FHIT: variants seen among roughly 807,000 people sequenced by gnomAD.
FHIT encodes fragile histidine triad diadenosine triphosphatase.
A neutral mutation model predicts 17.9 loss-of-function variants in FHIT; 19 were observed. The ratio of observed to expected loss-of-function variants is 1.06; its 90% CI spans 0.74 to 1.56. The LOEUF (loss-of-function observed/expected upper bound fraction) is 1.56. Among genes scored for constraint, FHIT ranks in the 40% most tolerant of loss-of-function variants. FHIT has a pLI of 0.00. For missense variants in FHIT, 248 were observed against 189.2 expected (o/e 1.31, Z -1.82); for synonymous variants, 81 against 69.7 (o/e 1.16, Z -0.81).
chr3:61,226,987 A>G lies in FHIT; in HGVS notation c.-213+24314T>C, dbSNP rs372958308. On this transcript the variant is annotated intron_variant, in intron 1 of 9. Transcript: ENST00000492590. The stretch of plus-strand genomic sequence containing the variant: ...AGATTAATGTAATGAAGCCTGAAAA[A>G]AAACGAAGTAGAAGGTACTAAAAGA... Among the ~76,000 whole-genome samples, 8 of 152,340 alleles carry G rather than the reference A, an allele frequency of 5.3e-5. No homozygotes were observed. The East Asian group carries it at 1.3e-3, about 26-fold the overall frequency.
intron 2 of FHIT, among the ~76,000 whole-genome samples, chr3:61,052,795 C>T (rs772631778): frequency 2.6e-5 from 4 of 152,068 alleles, no homozygotes; most frequent in African/African-American, 9.7e-5. Context: ...AATAAGGTTC[C>T]AAGATCCCTC....
intron 5 of FHIT, among the ~76,000 whole-genome samples, chr3:60,189,016 G>C (rs1246950919): frequency 1.3e-5 from 2 of 152,124 alleles, no homozygotes; most frequent in Non-Finnish European, 2.9e-5. Flanking sequence ...GGTGAATAAA[G>C]TTGATTCACT....
At chr3:60,867,345 A>G (rs1704211208) in intron 3 of FHIT, among the ~76,000 whole-genome samples, 1 of 152,208 alleles carries the variant, frequency 6.6e-6, no homozygotes. Context: ...AGATGCAAAT[A>G]TGTATTCATA....
intron 5 of FHIT, among the ~76,000 whole-genome samples, chr3:60,331,070 A>C (rs1709946643): frequency 6.6e-6 from 1 of 152,118 alleles, no homozygotes; most frequent in African/African-American, 2.4e-5. Flanking sequence ...GTGGAGTTGA[A>C]GGTCTTGTGC....
chr3:59,900,364 C>T (rs1166970151), intron 8 of FHIT, among the ~76,000 whole-genome samples: 1 of 152,186 alleles, frequency 6.6e-6, no homozygotes, highest in African/African-American at 2.4e-5. Context: ...GTATTGGCTC[C>T]TCTGACTAAA....
chr3:60,575,897 A>G (rs77487970), intron 4 of FHIT, among the ~76,000 whole-genome samples: 172 of 152,286 alleles, frequency 1.1e-3, no homozygotes, highest in Non-Finnish European at 2.1e-3. Flanking sequence ...GACAAGGGCA[A>G]AACAGCATTA....
intron 4 of FHIT, among the ~76,000 whole-genome samples, chr3:60,611,533 C>A (rs1347059915): frequency 6.6e-6 from 1 of 152,194 alleles, no homozygotes; most frequent in Non-Finnish European, 1.5e-5. Flanking sequence ...TTAGTCCAAG[C>A]CTTTCCTTAT....
intron 7 of FHIT, among the ~76,000 whole-genome samples, chr3:59,986,977 A>G (rs1207040814): frequency 1.9e-4 from 24 of 128,456 alleles, no homozygotes; most frequent in Non-Finnish European, 2.7e-4. Flanking sequence ...GATTTACTAT[A>G]GAAAAATATT....
intron 5 of FHIT, among the ~76,000 whole-genome samples, chr3:60,250,780 A>C (rs985310956): frequency 1.3e-5 from 2 of 152,196 alleles, no homozygotes; most frequent in Non-Finnish European, 2.9e-5. Context: ...ATTAAAAAAA[A>C]GACCACCTGA....
intron 5 of FHIT, among the ~76,000 whole-genome samples, chr3:60,136,611 T>C (rs1008568171): frequency 4.0e-5 from 6 of 151,660 alleles, no homozygotes; most frequent in African/African-American, 1.5e-4. Context: ...TGCTCACAAA[T>C]CCCAAATTCC....
chr3:60,901,502 T>A (rs1575664388), intron 3 of FHIT, among the ~76,000 whole-genome samples: 1 of 152,340 alleles, frequency 6.6e-6, no homozygotes, highest in East Asian at 1.9e-4. Context: ...AAAAACATTT[T>A]AAAGAATAAC....
chr3:60,135,826 T>G (rs1432679252), intron 5 of FHIT, among the ~76,000 whole-genome samples: 1 of 152,156 alleles, frequency 6.6e-6, no homozygotes, highest in African/African-American at 2.4e-5. Context: ...ACAGAAGAAT[T>G]TGGGGCAAAA....
intron 7 of FHIT, among the ~76,000 whole-genome samples, chr3:59,953,656 C>T (rs920675559): frequency 3.9e-5 from 6 of 152,176 alleles, no homozygotes; most frequent in African/African-American, 7.2e-5. Flanking sequence ...TGCTCGGCCT[C>T]CCACTCAGCA....
rs1161089701 is a variant in FHIT, at chr3:60,386,365, A to G, written c.103+150495T>C. ...GCACATTTGAGGGATTCAAGGACTT[A>G]GAACAACATGAAACAATTCAACAAT... On this transcript the variant is annotated intron_variant, in intron 5 of 9. Transcript: ENST00000492590. Among the ~76,000 whole-genome samples the G allele has an allele frequency of 2.4e-4, 37 of 152,228 alleles. 1 individual carries two copies.
At chr3:59,989,758 T>G (rs1034862071) in intron 7 of FHIT, among the ~76,000 whole-genome samples, 6 of 152,040 alleles carry the variant, frequency 3.9e-5, no homozygotes, top group Non-Finnish European at 8.8e-5. Context: ...TCCCTTCCCC[T>G]GTAAATTTCC....
At chr3:60,137,455 G>T (rs1440351359) in intron 5 of FHIT, among the ~76,000 whole-genome samples, 1 of 152,140 alleles carries the variant, frequency 6.6e-6, no homozygotes, top group Non-Finnish European at 1.5e-5. Context: ...GTTAAACTGA[G>T]GAAACATCTT....
chr3:60,406,918 T>C (rs1701882566), intron 5 of FHIT, among the ~76,000 whole-genome samples: 2 of 152,092 alleles, frequency 1.3e-5, no homozygotes, highest in African/African-American at 4.8e-5. Context: ...AACTGAAAAT[T>C]ATTTCTTTAA....
At chr3:59,950,518 G>A (rs1378527984) in intron 7 of FHIT, among the ~76,000 whole-genome samples, 1 of 151,240 alleles carries the variant, frequency 6.6e-6, no homozygotes, top group East Asian at 2.0e-4. Context: ...TTTTAATACA[G>A]TCAGAGTACT....
At chr3:60,863,648 C>T (rs1704024687) in intron 3 of FHIT, among the ~76,000 whole-genome samples, 1 of 152,098 alleles carries the variant, frequency 6.6e-6, no homozygotes, top group African/African-American at 2.4e-5. Flanking sequence ...CATACAGTGC[C>T]TCCTCTTTGA....
Sources: allele counts gnomAD v4.1 joint callset (sites outside exome capture counted in the v4.1 genomes callset), GRCh38; gene constraint gnomAD v4.1.1; transcripts MANE v1.5; gene names NCBI Gene and HGNC (gene_info 2026-07-23, HGNC 2026-07-21).